Variants in DOCK3 observed in about 807,000 individuals in gnomAD.
DOCK3 encodes the protein dedicator of cytokinesis protein 3.
Under a neutral mutation model 265.6 loss-of-function variants are expected in DOCK3, and 60 were observed. That is an observed-to-expected ratio of 0.23 (90% CI 0.18 to 0.28). The LOEUF is 0.28. DOCK3 is among the 10% of genes least tolerant of loss of function. The pLI is 1.00. For missense variants in DOCK3, 1,981 were observed against 2,594.3 expected (o/e 0.76, Z 5.14); for synonymous variants, 881 against 938.0 (o/e 0.94, Z 1.11).
intron 3 of DOCK3, among the ~76,000 whole-genome samples, chr3:50,886,861 G>A (rs1004577476): frequency 2.6e-5 from 4 of 152,068 alleles, no homozygotes; most frequent in African/African-American, 7.2e-5. Context: ...TACATTAAAA[G>A]CAATGTGTAG....
At chr3:51,151,047 A>G (rs1294957627) in intron 10 of DOCK3, among the ~76,000 whole-genome samples, 1 of 151,422 alleles carries the variant, frequency 6.6e-6, no homozygotes, top group Non-Finnish European at 1.5e-5. Context: ...GAATTGATTC[A>G]TTTACCATTA....
intron 33 of DOCK3, among the ~76,000 whole-genome samples, chr3:51,332,671 C>A: frequency 6.6e-6 from 1 of 152,140 alleles, no homozygotes; most frequent in East Asian, 1.9e-4. Context: ...AAGACCCCAT[C>A]TTAAAAAAGA....
chr3:50,993,294 G>A (rs778772429), intron 5 of DOCK3, among the ~76,000 whole-genome samples: 1 of 152,096 alleles, frequency 6.6e-6, no homozygotes, highest in Non-Finnish European at 1.5e-5. Flanking sequence ...TGGTTACTTG[G>A]CTTCTTTTTC....
chr3:51,317,084 A>G (rs541804012), intron 32 of DOCK3, among the ~76,000 whole-genome samples: 12 of 152,154 alleles, frequency 7.9e-5, no homozygotes, highest in Admixed American at 7.8e-4. Flanking sequence ...GAAGTTTTAT[A>G]GTTTTACATT....
intron 1 of DOCK3, among the ~76,000 whole-genome samples, chr3:50,732,236 A>G (rs764225410): frequency 7.2e-5 from 11 of 152,224 alleles, no homozygotes; most frequent in Non-Finnish European, 1.5e-4. Context: ...GAGGGGAACA[A>G]CACACACTGG....
intron 27 of DOCK3, among the ~76,000 whole-genome samples, chr3:51,309,211 A>C (rs1480830418): frequency 6.6e-6 from 1 of 152,156 alleles, no homozygotes; most frequent in African/African-American, 2.4e-5. Flanking sequence ...CAATCTCGGC[A>C]CTTTGGGAGG....
chr3:50,714,542 T>G (rs919730140), intron 1 of DOCK3, among the ~76,000 whole-genome samples: 2 of 152,128 alleles, frequency 1.3e-5, no homozygotes, highest in African/African-American at 4.8e-5. Context: ...AGTGCTGTGG[T>G]GTGATCATGG....
chr3:50,688,502 G>T (rs1448658678), intron 1 of DOCK3, among the ~76,000 whole-genome samples: 1 of 152,092 alleles, frequency 6.6e-6, no homozygotes, highest in East Asian at 1.9e-4. Context: ...TTGCTCTGTT[G>T]CCCAGGCTGG....
intron 1 of DOCK3, among the ~76,000 whole-genome samples, chr3:50,699,863 G>A (rs1421432522): frequency 1.3e-5 from 2 of 152,074 alleles, no homozygotes; most frequent in African/African-American, 2.4e-5. Flanking sequence ...CATAATAATC[G>A]TACATATTTT....
chr3:50,990,654 A>G (rs1425046689), intron 5 of DOCK3, among the ~76,000 whole-genome samples: 1 of 152,210 alleles, frequency 6.6e-6, no homozygotes, highest in Admixed American at 6.5e-5. Context: ...AAGGTCCCAC[A>G]GTAGATCATC....
chr3:51,237,398 C>A, intron 20 of DOCK3, 92 bp from the exon 21 acceptor site: 1 of 1,036,010 alleles, frequency 9.7e-7, no homozygotes, highest in Non-Finnish European at 1.4e-6. Context: ...TGACAATTTG[C>A]CATTATTTGG....
intron 4 of DOCK3, among the ~76,000 whole-genome samples, chr3:50,907,665 T>C (rs1182928075): frequency 2.0e-5 from 3 of 152,064 alleles, no homozygotes; most frequent in Non-Finnish European, 4.4e-5. Flanking sequence ...ATGAGATGAG[T>C]CTCCTGAATA....
chr3:51,269,636 G>A (rs919350965), intron 23 of DOCK3, among the ~76,000 whole-genome samples: 11 of 152,128 alleles, frequency 7.2e-5, no homozygotes, highest in African/African-American at 2.7e-4. Context: ...TCCCCAGCCT[G>A]CCATTTGGGA....
intron 38 of DOCK3, among the ~76,000 whole-genome samples, chr3:51,345,152 G>A (rs2085477847): frequency 6.6e-6 from 1 of 152,214 alleles, no homozygotes; most frequent in South Asian, 2.1e-4. Flanking sequence ...GAAGCTGCCA[G>A]CCAGGTAGAC....
chr3:50,821,870 G>A (rs984777206), intron 2 of DOCK3, among the ~76,000 whole-genome samples: 7 of 152,098 alleles, frequency 4.6e-5, no homozygotes, highest in African/African-American at 1.7e-4. Flanking sequence ...ATTGATCTAT[G>A]TGTCTGTTTT....
chr3:51,282,559 A>G (rs1384578166), intron 27 of DOCK3, among the ~76,000 whole-genome samples: 1 of 151,450 alleles, frequency 6.6e-6, no homozygotes, highest in Non-Finnish European at 1.5e-5. Context: ...AGGCTGAGGC[A>G]GGAGAACCGC....
At chr3:50,839,212 C>T (rs764503912) in intron 2 of DOCK3, among the ~76,000 whole-genome samples, 5 of 152,166 alleles carry the variant, frequency 3.3e-5, no homozygotes, top group Non-Finnish European at 7.3e-5. Context: ...GGATGTGCCA[C>T]AGTTTTATTC....
At chr3:51,075,467 G>T in intron 7 of DOCK3, 27 bp downstream of exon 7, 2 of 1,520,974 alleles carry the variant, frequency 1.3e-6, no homozygotes, top group Non-Finnish European at 1.8e-6. Flanking sequence ...GAGGTAGCTT[G>T]TTCCTGCATA....
intron 5 of DOCK3, among the ~76,000 whole-genome samples, chr3:50,978,654 G>C (rs916149063): frequency 2.0e-5 from 3 of 152,200 alleles, no homozygotes; most frequent in African/African-American, 7.2e-5. Context: ...AGGCCTCCTT[G>C]AGCTGTGGTG....
Sources: allele counts gnomAD v4.1 joint callset (sites outside exome capture counted in the v4.1 genomes callset), GRCh38; gene constraint gnomAD v4.1.1; transcripts MANE v1.5; gene names NCBI Gene and HGNC (gene_info 2026-07-23, HGNC 2026-07-21).